The following FHIT variants were observed in gnomAD, a reference collection of about 807,000 sequenced individuals.
FHIT encodes the protein bis(5'-adenosyl)-triphosphatase.
In FHIT, 19 loss-of-function variants were observed where a neutral mutation model predicts 17.9. That is an observed-to-expected ratio of 1.06 (90% CI 0.74 to 1.56). The LOEUF is 1.56. Among genes scored for constraint, FHIT ranks in the 40% most tolerant of loss-of-function variants. The probability of loss-of-function intolerance (pLI) is 0.00; values close to 1 mark genes in which losing one functional copy is unlikely to be tolerated. For synonymous variants in FHIT, 81 were observed against 69.7 expected (o/e 1.16, Z -0.81); for missense variants, 248 against 189.2 (o/e 1.31, Z -1.82).
At chr3:59,912,301 G>A (rs1704917505) in intron 8 of FHIT, among the ~76,000 whole-genome samples, 1 of 152,110 alleles carries the variant, frequency 6.6e-6, no homozygotes, top group South Asian at 2.1e-4. Flanking sequence ...AATGCCCCAG[G>A]GAAAGAAGGT....
chr3:61,194,351 A>C (rs372211375), intron 2 of FHIT, among the ~76,000 whole-genome samples: 1 of 152,216 alleles, frequency 6.6e-6, no homozygotes, highest in East Asian at 1.9e-4. Context: ...AGGGCTTTCC[A>C]ATGTATTTCC....
intron 4 of FHIT, among the ~76,000 whole-genome samples, chr3:60,737,531 G>T (rs2042158112): frequency 6.6e-6 from 1 of 152,238 alleles, no homozygotes. Context: ...ATAGCATTGT[G>T]TTGGTACACC....
intron 4 of FHIT, among the ~76,000 whole-genome samples, chr3:60,754,677 G>T (rs1394918320): frequency 2.0e-5 from 3 of 151,822 alleles, no homozygotes; most frequent in African/African-American, 7.3e-5. Context: ...AGAAGCTTTT[G>T]GGAGATACTC....
intron 3 of FHIT, among the ~76,000 whole-genome samples, chr3:60,990,996 T>C (rs1173912778): frequency 6.6e-6 from 1 of 152,144 alleles, no homozygotes; most frequent in East Asian, 1.9e-4. Flanking sequence ...AGACAATTAT[T>C]AATATTCCAA....
rs537311895 is a variant in FHIT, at chr3:60,441,777, TATAAAA to T, written c.103+95077_103+95082del. Reference sequence around the variant, plus strand: ...ATAAAAATATATATATATTTATATGTATAAAAATATATATATATATATATATATATA... The same window carrying T: ...ATAAAAATATATATATATTTATATGTATATATATATATATATATATATATA... On this transcript the variant is annotated intron_variant, in intron 5 of 9. Coordinates refer to ENST00000492590, the MANE Select transcript of FHIT (RefSeq NM_002012.4). 5.5e-4 allele frequency among the ~76,000 whole-genome samples: 53 copies of T among 95,746 alleles called. 3 individuals are homozygous for T. The highest frequency in any genetic ancestry group is 0.01 in the Middle Eastern group (2 of 192). The allele number at this position is 95,746 out of a possible 152,430, so 62.8% of individuals were successfully genotyped here.
intron 7 of FHIT, among the ~76,000 whole-genome samples, chr3:60,000,267 G>A (rs946278019): frequency 2.0e-5 from 3 of 152,216 alleles, no homozygotes; most frequent in Non-Finnish European, 4.4e-5. Context: ...CTGTGGCAGA[G>A]ACAACTGACT....
intron 1 of FHIT, among the ~76,000 whole-genome samples, chr3:61,223,451 G>A (rs1217612980): frequency 2.6e-5 from 4 of 152,150 alleles, no homozygotes; most frequent in South Asian, 2.1e-4. Flanking sequence ...TTTCATGTGC[G>A]AGCTCAAAGT....
chr3:61,146,660 TAATGA>T (rs1199572602), intron 2 of FHIT, among the ~76,000 whole-genome samples: 1 of 152,042 alleles, frequency 6.6e-6, no homozygotes, highest in Non-Finnish European at 1.5e-5. Context: ...AGTAGGAATG[TAATGA>T]TCTGAGCCTT....
intron 5 of FHIT, among the ~76,000 whole-genome samples, chr3:60,249,258 A>C (rs907527534): frequency 1.3e-5 from 2 of 152,132 alleles, no homozygotes; most frequent in African/African-American, 4.8e-5. Context: ...CAATTTTTAT[A>C]AACAAAAGTT....
intron 5 of FHIT, among the ~76,000 whole-genome samples, chr3:60,504,420 G>A (rs1190790676): frequency 7.2e-6 from 1 of 139,050 alleles, no homozygotes. Context: ...GACAGAACGA[G>A]ACCCCGTCTC....
chr3:61,210,933 C>T (rs1004477047), intron 1 of FHIT, among the ~76,000 whole-genome samples: 14 of 151,878 alleles, frequency 9.2e-5, no homozygotes, highest in African/African-American at 1.9e-4. Context: ...TGTTCCTATT[C>T]GGTCATCTTG....
intron 7 of FHIT, among the ~76,000 whole-genome samples, chr3:59,943,268 A>C (rs1367063981): frequency 6.6e-6 from 1 of 152,060 alleles, no homozygotes; most frequent in African/African-American, 2.4e-5. Flanking sequence ...CACCATTTGC[A>C]GGTTGACAGA....
At chr3:61,181,639 G>C (rs2038346691) in intron 2 of FHIT, among the ~76,000 whole-genome samples, 1 of 152,120 alleles carries the variant, frequency 6.6e-6, no homozygotes, top group Non-Finnish European at 1.5e-5. Flanking sequence ...CCTAAAGACA[G>C]ACCCAAAGAC....
At chr3:60,682,641 T>C (rs893593295) in intron 4 of FHIT, among the ~76,000 whole-genome samples, 59 of 152,206 alleles carry the variant, frequency 3.9e-4, no homozygotes, top group African/African-American at 1.4e-3. Context: ...ACTGAAAATG[T>C]ACCTGGTCAC....
intron 3 of FHIT, among the ~76,000 whole-genome samples, chr3:60,967,983 T>C (rs1240738188): frequency 6.6e-6 from 1 of 152,234 alleles, no homozygotes; most frequent in Non-Finnish European, 1.5e-5. Context: ...CATGTGGAAT[T>C]ACTTGCTTCT....
chr3:60,665,645 C>T (rs1553692289), intron 4 of FHIT, among the ~76,000 whole-genome samples: 1 of 151,944 alleles, frequency 6.6e-6, no homozygotes, highest in African/African-American at 2.4e-5. Context: ...CACCCTTTTA[C>T]TTTCAACTTA....
chr3:60,574,443 C>T (rs1408274529), intron 4 of FHIT, among the ~76,000 whole-genome samples: 1 of 151,298 alleles, frequency 6.6e-6, no homozygotes, highest in African/African-American at 2.4e-5. Flanking sequence ...GCTGTATCAG[C>T]TTAAATCAGT....
At chr3:60,939,996 G>A (rs1708341574) in intron 3 of FHIT, among the ~76,000 whole-genome samples, 1 of 152,070 alleles carries the variant, frequency 6.6e-6, no homozygotes, top group African/African-American at 2.4e-5. Context: ...CACAGACCAT[G>A]TCTGAATTAT....
intron 5 of FHIT, among the ~76,000 whole-genome samples, chr3:60,125,314 G>T (rs1705491105): frequency 6.6e-6 from 1 of 152,126 alleles, no homozygotes; most frequent in Non-Finnish European, 1.5e-5. Context: ...ACCTTAGAGG[G>T]AAATTGTGCA....
Sources: allele counts gnomAD v4.1 joint callset (sites outside exome capture counted in the v4.1 genomes callset), GRCh38; gene constraint gnomAD v4.1.1; transcripts MANE v1.5; gene names NCBI Gene and HGNC (gene_info 2026-07-23, HGNC 2026-07-21).